AHCTF1: variants seen among roughly 807,000 people sequenced by gnomAD.
AHCTF1 encodes AT-hook containing transcription factor 1.
Under a neutral mutation model 248.4 loss-of-function variants are expected in AHCTF1, and 24 were observed. The ratio of observed to expected loss-of-function variants is 0.10; its 90% CI spans 0.07 to 0.14. AHCTF1 has a LOEUF of 0.14. Among genes scored for constraint, AHCTF1 ranks in the 10% least tolerant of loss-of-function variants. The probability of loss-of-function intolerance (pLI) is 1.00; values close to 1 mark genes in which losing one functional copy is unlikely to be tolerated. For synonymous variants in AHCTF1, 786 were observed against 929.8 expected (o/e 0.85, Z 2.81); for missense variants, 2,206 against 2,636.2 (o/e 0.84, Z 3.57).
intron 21 of AHCTF1, among the ~76,000 whole-genome samples, chr1:246,878,825 C>G (rs1663182806): frequency 6.6e-6 from 1 of 152,084 alleles, no homozygotes; most frequent in African/African-American, 2.4e-5. Flanking sequence ...CTTATACAGG[C>G]CAACAACTCA....
At chr1:246,907,317 G>A (rs2103194029) in intron 5 of AHCTF1, among the ~76,000 whole-genome samples, 1 of 152,204 alleles carries the variant, frequency 6.6e-6, no homozygotes, top group African/African-American at 2.4e-5. Flanking sequence ...TGACTGTAAT[G>A]CCTTTTAAAT....
chr1:246,874,308 T>A (rs80254162), intron 24 of AHCTF1, among the ~76,000 whole-genome samples: 1 of 152,146 alleles, frequency 6.6e-6, no homozygotes, highest in African/African-American at 2.4e-5. Flanking sequence ...AACTATTAAA[T>A]GTCTCTATCT....
At chr1:246,864,501 C>G (rs146669369) in intron 26 of AHCTF1, among the ~76,000 whole-genome samples, 1 of 152,084 alleles carries the variant, frequency 6.6e-6, no homozygotes, top group Admixed American at 6.6e-5. Context: ...CATTAACATG[C>G]AAAATATCCA....
intron 24 of AHCTF1, among the ~76,000 whole-genome samples, chr1:246,869,433 A>G (rs529916101): frequency 1.3e-5 from 2 of 152,318 alleles, no homozygotes; most frequent in East Asian, 3.9e-4. Context: ...TAAATGCAAA[A>G]AAGAACCTGA....
chr1:246,887,426 G>A, intron 19 of AHCTF1, 69 bp from the exon 20 acceptor site: 2 of 1,430,704 alleles, frequency 1.4e-6, no homozygotes, highest in Non-Finnish European at 1.9e-6. Context: ...ATTTACAATA[G>A]GTAGCAACAA....
intron 1 of AHCTF1, among the ~76,000 whole-genome samples, chr1:246,922,718 C>G (rs1311118323): frequency 6.6e-6 from 1 of 151,296 alleles, no homozygotes; most frequent in Non-Finnish European, 1.5e-5. Flanking sequence ...CGCAGTGGCT[C>G]ACGCCTGTAA....
chr1:246,903,381 T>C (rs1665139512), intron 7 of AHCTF1, among the ~76,000 whole-genome samples: 1 of 152,200 alleles, frequency 6.6e-6, no homozygotes. Context: ...GGGTACCAAT[T>C]AAGCCACAAG....
intron 4 of AHCTF1, among the ~76,000 whole-genome samples, chr1:246,910,535 T>C (rs954671389): frequency 1.3e-5 from 2 of 152,228 alleles, no homozygotes; most frequent in Non-Finnish European, 2.9e-5. Flanking sequence ...GACACACATA[T>C]AGCAAATGTT....
At chr1:246,927,929 G>A (rs1305163431) in intron 1 of AHCTF1, among the ~76,000 whole-genome samples, 1 of 152,196 alleles carries the variant, frequency 6.6e-6, no homozygotes, top group Non-Finnish European at 1.5e-5. Flanking sequence ...GAACCTGGGA[G>A]GCAGAGGTTG....
intron 24 of AHCTF1, among the ~76,000 whole-genome samples, chr1:246,874,678 T>A (rs1362526023): frequency 1.3e-5 from 2 of 152,136 alleles, no homozygotes. Flanking sequence ...TTAAAAAAAA[T>A]TCAACTACAG....
chr1:246,926,891 T>TG (rs1558286983), intron 1 of AHCTF1, among the ~76,000 whole-genome samples: 2 of 145,886 alleles, frequency 1.4e-5, no homozygotes, highest in African/African-American at 5.1e-5. Context: ...CAAAAGTGTA[T>TG]GGCCGGGCCG....
At chr1:246,847,306 C>A (rs57125777) in intron 33 of AHCTF1, among the ~76,000 whole-genome samples, 32,576 of 146,774 alleles carry the variant, frequency 0.22, 3,864 homozygotes, top group Admixed American at 0.29. Context: ...AAAAAACAAA[C>A]AAAAAAAAAA....
Position 246,851,436 on chromosome 1 carries a change from C to G in AHCTF1, c.4570G>C (p.Glu1524Gln). 2.5e-6 allele frequency: 4 copies of G among 1,604,864 alleles called. No homozygotes were observed. In the South Asian group the frequency reaches 3.3e-5, roughly 13 times the overall value. The change falls in exon 33 of 36, where the codon GAA (glutamate) becomes CAA (glutamine). Residue 1524 changes from glutamate to glutamine, a missense_variant. By Grantham distance (29) the Glu-to-Gln change is conservative. This residue lies in a region of AHCTF1 where 955 missense variants were observed against 1,055.6 expected (regional missense o/e 0.90). Coordinates refer to ENST00000648844, the MANE Select transcript of AHCTF1 (RefSeq NM_001323342.2). Reference protein sequence around the residue: ...PPDTQEIHVIEQEKLEAQDSG... With the variant: ...PPDTQEIHVIQQEKLEAQDSG... ...TCTTGAGCTTCAAGCTTTTCTTGTT[C>G]AATCACCTAAATGAATTAAAGATAA...
intron 19 of AHCTF1, 131 bp downstream of exon 19, chr1:246,888,046 G>T: frequency 2.1e-6 from 2 of 936,946 alleles, no homozygotes; most frequent in Non-Finnish European, 3.2e-6. Flanking sequence ...ACAGATCCTG[G>T]GTTAACACCT....
intron 4 of AHCTF1, among the ~76,000 whole-genome samples, chr1:246,909,073 A>C (rs968546433): frequency 5.6e-5 from 7 of 125,682 alleles, no homozygotes; most frequent in African/African-American, 1.3e-4. Context: ...ATATCTATAT[A>C]TATCTATATC....
intron 35 of AHCTF1, among the ~76,000 whole-genome samples, chr1:246,841,974 T>TC (rs397860206): frequency 6.0e-5 from 9 of 149,746 alleles, no homozygotes; most frequent in Admixed American, 1.3e-4. Context: ...TTTTTTTTTT[T>TC]CAGTAGAGAC....
chr1:246,850,226 T>A lies in AHCTF1; in HGVS notation c.5780A>T (p.Asp1927Val). 2 of 1,613,920 alleles carry A rather than the reference T, an allele frequency of 1.2e-6. No individual in the cohort carries two copies. The highest frequency in any genetic ancestry group is 1.7e-6 in the Non-Finnish European group (2 of 1,179,850). Residue 1927 changes from aspartate to valine, a missense_variant, in exon 33 of 36, where the codon GAC (aspartate) becomes GTC (valine). This residue lies in a region of AHCTF1 where 469 missense variants were observed against 470.0 expected (regional missense o/e 1.00). Transcript: ENST00000648844. Reference sequence around the variant, plus strand: ...AACATGTTTAATACGCAGCTGCTTGTCACTGGATTTATCATCTTGCTTATT... The same window carrying A: ...AACATGTTTAATACGCAGCTGCTTGACACTGGATTTATCATCTTGCTTATT... The part of the protein sequence containing the change: ...TGNKQDDKSS[D>V]KQLRIKHVRR...
At chr1:246,878,502 A>C (rs1261382685) in intron 21 of AHCTF1, among the ~76,000 whole-genome samples, 1 of 151,546 alleles carries the variant, frequency 6.6e-6, no homozygotes, top group African/African-American at 2.4e-5. Context: ...TTAGTTTTTT[A>C]AAAAGCAAGT....
chr1:246,884,011 T>C (rs961207729), intron 21 of AHCTF1, among the ~76,000 whole-genome samples: 7 of 152,164 alleles, frequency 4.6e-5, no homozygotes, highest in African/African-American at 1.4e-4. Flanking sequence ...GACGTAAGCA[T>C]TAGTGATTAA....
Sources: gnomAD v4.1 joint callset for allele counts (sites outside exome capture counted in the v4.1 genomes callset) on GRCh38, gnomAD v4.1.1 for gene constraint, gnomAD v4.1.1 regional missense constraint, MANE v1.5 for transcripts, NCBI Gene and HGNC (gene_info 2026-07-23, HGNC 2026-07-21) for gene names.